The following NOP9 variants were observed in gnomAD, a reference collection of about 807,000 sequenced individuals.
NOP9 encodes NOP9 nucleolar protein.
NOP9 carries 50 observed loss-of-function variants against 63.0 expected under a neutral mutation model. The observed-to-expected ratio is 0.79, with a 90% CI of 0.63 to 1.00. The LOEUF (loss-of-function observed/expected upper bound fraction) is 1.00. NOP9 is among the 50% of genes least tolerant of loss of function. NOP9 has a pLI of 0.00. For synonymous variants in NOP9, 343 were observed against 332.8 expected (o/e 1.03, Z -0.33); for missense variants, 758 against 803.0 (o/e 0.94, Z 0.68).
chr14:24,292,311 T>C, the NOP9 span: 1 of 1,613,646 alleles, frequency 6.2e-7, no homozygotes, highest in Non-Finnish European at 8.5e-7. Flanking sequence ...GTGGGCACAG[T>C]CAGCAGCCAG....
chr14:24,274,997 G>T, the NOP9 span, among the ~76,000 whole-genome samples: 1 of 128,910 alleles, frequency 7.8e-6, no homozygotes, highest in Non-Finnish European at 1.6e-5. Flanking sequence ...ACTGCAACTT[G>T]TGCCTCCCGG....
intron 2 of NOP9, among the ~76,000 whole-genome samples, chr14:24,301,107 TGACTTAATATACAAATG>T (rs2041368927): frequency 6.6e-6 from 1 of 152,122 alleles, no homozygotes; most frequent in Admixed American, 6.5e-5. Context: ...TTTTTAAGCA[TGACTTAATATACAAATG>T]GACTTAAGCA....
chr14:24,290,173 C>G, the NOP9 span, among the ~76,000 whole-genome samples: 5 of 152,236 alleles, frequency 3.3e-5, no homozygotes, highest in African/African-American at 1.2e-4. Flanking sequence ...AGAACCATCC[C>G]GAGAGGAAGG....
rs756000990 is a variant in NOP9 at position 24,303,876 on chromosome 14, C to G, written c.1410+19C>G. On this transcript the variant is annotated intron_variant, in intron 7 of 9. Transcript: ENST00000267425. ...GCACCAGGTGAGGTAGGGGAGAGGC[C>G]AAGCCAGTGACTAATTGGGAGTCAG... is the stretch of plus-strand genomic sequence containing the variant. The G allele has an allele frequency of 1.9e-6, 3 of 1,611,334 alleles. No homozygotes were observed. The highest frequency in any genetic ancestry group is 2.5e-6 in the Non-Finnish European group (3 of 1,178,144).
chr14:24,289,145 T>G, the NOP9 span, among the ~76,000 whole-genome samples: 1 of 152,066 alleles, frequency 6.6e-6, no homozygotes, highest in Admixed American at 6.6e-5. Context: ...CCCAGCTAAT[T>G]TTTTTTCTTT....
At chr14:24,279,261 A>G in the NOP9 span, among the ~76,000 whole-genome samples, 5 of 152,228 alleles carry the variant, frequency 3.3e-5, no homozygotes, top group Admixed American at 3.3e-4. Flanking sequence ...GAGCCCAAGA[A>G]GATCCTCTCC....
rs985283141 is a variant in NOP9 at position 24,299,989 on chromosome 14, G to A, written c.35G>A (p.Gly12Glu). 2 of 1,594,112 alleles carry A rather than the reference G, an allele frequency of 1.3e-6. No individual in the cohort carries two copies. The highest frequency in any genetic ancestry group is 1.3e-5 in the African/African-American group (1 of 74,382). ...GQGPRSPHKV[G>E]RRFPAGGKRG... ...GGTCCGCGCTCTCCACACAAGGTGG[G>A]GCGCCGGTTCCCAGCTGGTGGCAAA... Residue 12 changes from glycine to glutamate, a missense_variant, in exon 1 of 10, where the codon GGG becomes GAG. Coordinates refer to ENST00000267425, the MANE Select transcript of NOP9 (RefSeq NM_174913.3).
At position 24,307,402 on chromosome 14, in the gene NOP9, G is replaced by A. The variant is rs372931926; in HGVS notation, c.*2307G>A. 1.9e-5 allele frequency: 30 copies of A among 1,613,942 alleles called. No homozygotes were observed. The highest frequency in any genetic ancestry group is 2.3e-5 in the Non-Finnish European group (27 of 1,179,960). On this transcript the variant is annotated 3_prime_UTR_variant, in exon 10 of 10. Coordinates refer to ENST00000267425, the MANE Select transcript of NOP9 (RefSeq NM_174913.3). ...TAGCAGCTCCTGGCGGGTGGCAGCTGTCAGGCCTTTCCGGATGGTCCGCTT... is the reference window on the plus strand; with the variant it reads ...TAGCAGCTCCTGGCGGGTGGCAGCTATCAGGCCTTTCCGGATGGTCCGCTT...
Position 24,302,345 on chromosome 14 carries a change from A to G in NOP9, c.1064A>G (p.Gln355Arg), listed in dbSNP as rs139514138. 358 of 1,614,132 alleles carry G rather than the reference A, an allele frequency of 2.2e-4. 1 individual carries two copies. In the African/African-American group the frequency reaches 4.3e-3, roughly 19 times the overall value. The change falls in exon 5 of 10, where the codon CAG becomes CGG. Residue 355 changes from glutamine (Q) to arginine (R), a missense_variant. Coordinates refer to ENST00000267425, the MANE Select transcript of NOP9 (RefSeq NM_174913.3). ...CTCTTTGAGGAGCACTTGCAGGGGC[A>G]GCTGCAGACCCTGGCTGCACATCCC... The part of the protein sequence containing the change: ...QSLFEEHLQG[Q>R]LQTLAAHPIA...
In NOP9 at chr14:24,307,716, A is replaced by G; in HGVS notation, c.*2621A>G. On this transcript the variant is annotated 3_prime_UTR_variant, in exon 10 of 10. Transcript: ENST00000267425. ...AGCCCACTGTGGAGTGGGGAGCAGGAGAGGAAGGGGTACTGGTTAGTCTCC... is the reference window on the plus strand; with the variant it reads ...AGCCCACTGTGGAGTGGGGAGCAGGGGAGGAAGGGGTACTGGTTAGTCTCC... The G allele has an allele frequency of 7.4e-7, 1 of 1,346,466 alleles. No homozygotes were observed. Among genetic ancestry groups the G allele is most frequent in the Non-Finnish European group, 1.0e-6 (1 of 960,150 alleles). The allele number at this position is 1,346,466 out of a possible 1,614,324, so 83.4% of individuals were successfully genotyped here. A position where few individuals can be genotyped will look rare whatever the true frequency, so the allele number is the denominator to read the frequency against.
chr14:24,278,743 A>G, the NOP9 span, among the ~76,000 whole-genome samples: 5 of 152,196 alleles, frequency 3.3e-5, no homozygotes, highest in African/African-American at 1.2e-4. Flanking sequence ...GGGATGCACT[A>G]AGAGAGCTTT....
At position 24,299,930 on chromosome 14, in the gene NOP9, C is replaced by T; in HGVS notation, c.-25C>T. 6.6e-7 allele frequency: 1 copy of T among 1,516,022 alleles called. No individual in the cohort carries two copies. Among genetic ancestry groups the T allele is most frequent in the South Asian group, 1.3e-5 (1 of 77,080 alleles). 93.9% of individuals were successfully genotyped at this position (1,516,022 alleles called of 1,614,324 possible). A position where few individuals can be genotyped will look rare whatever the true frequency, so the allele number is the denominator to read the frequency against. ...CCGTCCGCAGTTAAGGAAGCTTTTG[C>T]AGCCGGACAGGTCGCGAAGCACACA... On this transcript the variant is annotated 5_prime_UTR_variant, in exon 1 of 10. Transcript: ENST00000267425.
chr14:24,280,669 T>C, the NOP9 span, among the ~76,000 whole-genome samples: 1 of 152,214 alleles, frequency 6.6e-6, no homozygotes, highest in African/African-American at 2.4e-5. Context: ...CCTGCTGTCA[T>C]AGGGCTTACA....
At chr14:24,284,090 G>A in the NOP9 span, among the ~76,000 whole-genome samples, 199 of 152,292 alleles carry the variant, frequency 1.3e-3, no homozygotes, top group African/African-American at 4.7e-3. Context: ...TTGCCTGCAG[G>A]CAGGAGCTGA....
the NOP9 span, chr14:24,291,083 G>C: frequency 6.2e-7 from 1 of 1,612,864 alleles, no homozygotes; most frequent in African/African-American, 1.3e-5. Context: ...AGGGAGGAGT[G>C]GGCAGGGAAC....
chr14:24,277,561 A>G, the NOP9 span, among the ~76,000 whole-genome samples: 1 of 152,354 alleles, frequency 6.6e-6, no homozygotes, highest in Non-Finnish European at 1.5e-5. Flanking sequence ...CCGAAGCCAT[A>G]ATTAATGAGA....
chr14:24,279,948 G>T, the NOP9 span, among the ~76,000 whole-genome samples: 1 of 152,190 alleles, frequency 6.6e-6, no homozygotes, highest in African/African-American at 2.4e-5. Flanking sequence ...GCTGTCGCTG[G>T]TAGATGAACA....
chr14:24,276,268 A>G, the NOP9 span, among the ~76,000 whole-genome samples: 2 of 151,044 alleles, frequency 1.3e-5, no homozygotes, highest in Non-Finnish European at 3.0e-5. Flanking sequence ...TCCCAGCTAC[A>G]TGGGAGGCTG....
chr14:24,291,085 G>T, the NOP9 span: 1 of 1,612,930 alleles, frequency 6.2e-7, no homozygotes, highest in Non-Finnish European at 8.5e-7. Context: ...GGAGGAGTGG[G>T]CAGGGAACAG....
Sources: allele counts gnomAD v4.1 joint callset (sites outside exome capture counted in the v4.1 genomes callset), GRCh38; gene constraint gnomAD v4.1.1; transcripts MANE v1.5; gene names NCBI Gene and HGNC (gene_info 2026-07-23, HGNC 2026-07-21).